Variants in TTC6 observed in about 807,000 individuals in gnomAD.
TTC6 encodes tetratricopeptide repeat domain 6, also known as tetratricopeptide repeat protein 6.
TTC6 carries 172 observed loss-of-function variants against 210.4 expected under a neutral mutation model. That is an observed-to-expected ratio of 0.82 (90% confidence interval 0.72 to 0.93). The LOEUF (loss-of-function observed/expected upper bound fraction) is 0.93, where lower values mean the gene tolerates loss of function less well. Among genes scored for constraint, TTC6 ranks in the 40% least tolerant of loss-of-function variants. The probability of loss-of-function intolerance (pLI) is 0.00; values close to 1 mark genes in which losing one functional copy is unlikely to be tolerated. For missense variants in TTC6, 2,414 were observed against 2,318.1 expected (o/e 1.04, Z -0.85); for synonymous variants, 804 against 819.6 (o/e 0.98, Z 0.32).
In TTC6 at chr14:37,741,870, G is replaced by A. The variant is rs188974130; in HGVS notation, c.2363+2715G>A. ...AGGTCATGGTAGGTTGCCAAAGTTT[G>A]CAATAACTTCGCAGCTTCATTGTTT... On this transcript the variant is annotated intron_variant, in intron 10 of 30. Transcript: ENST00000553443. Among the ~76,000 whole-genome samples the A allele has an allele frequency of 1.1e-3, 168 of 152,234 alleles. 1 individual carries two copies. The highest frequency in any genetic ancestry group is 0.01 in the Middle Eastern group (3 of 294).
chr14:37,814,678 A>G lies in TTC6; in HGVS notation c.4689+2245A>G, dbSNP rs184254156. ...AATATAGTGATATAGATAGGTAACA[A>G]CAAAAAGCTGGAAAAGATATACCAC... On this transcript the variant is annotated intron_variant, in intron 25 of 30. Coordinates refer to ENST00000553443, the Ensembl canonical transcript of TTC6. Among the ~76,000 whole-genome samples, 14 of 152,334 alleles carry G rather than the reference A, an allele frequency of 9.2e-5. No homozygotes were observed. The East Asian group carries it at 2.1e-3, about 23-fold the overall frequency.
intron 14 of TTC6, among the ~76,000 whole-genome samples, chr14:37,753,858 T>C (rs571093473): frequency 3.3e-5 from 5 of 152,170 alleles, no homozygotes; most frequent in South Asian, 4.2e-4. Flanking sequence ...ACTTCGTGCA[T>C]TGTACAGTTT....
At chr14:37,657,349 T>TA (rs34169689) in intron 1 of TTC6, among the ~76,000 whole-genome samples, 1,448 of 139,428 alleles carry the variant, frequency 0.01, 21 homozygotes, top group Admixed American at 9.8e-3. Flanking sequence ...GCTTTCTATT[T>TA]AAAAAAAAAA....
chr14:37,760,315 G>A (rs2095980261), intron 14 of TTC6, among the ~76,000 whole-genome samples: 1 of 152,118 alleles, frequency 6.6e-6, no homozygotes, highest in Admixed American at 6.5e-5. Context: ...TGTTTGCCTG[G>A]GTATCACCAG....
In TTC6 at chr14:37,650,098, T is replaced by G. The variant is rs532539538; in HGVS notation, c.939+27095T>G. Among the ~76,000 whole-genome samples, 5 of 152,346 alleles carry G rather than the reference T, an allele frequency of 3.3e-5. No homozygotes were observed. The South Asian group carries it at 8.3e-4, about 25-fold the overall frequency. ...ACTTTCTAAAATCTGCTATACTCAT[T>G]CCCCTTTGTGAAAGCAGGTGTTGCT... On this transcript the variant is annotated intron_variant, in intron 1 of 30. Coordinates refer to ENST00000553443, the Ensembl canonical transcript of TTC6.
chr14:37,729,202 AC>A (rs2095879837), intron 7 of TTC6, among the ~76,000 whole-genome samples: 1 of 152,192 alleles, frequency 6.6e-6, no homozygotes, highest in Non-Finnish European at 1.5e-5. Flanking sequence ...ATGCAGTCTA[AC>A]CTTTTCATTT....
intron 1 of TTC6, among the ~76,000 whole-genome samples, chr14:37,666,428 C>T (rs1022416798): frequency 1.5e-5 from 2 of 130,650 alleles, no homozygotes; most frequent in Admixed American, 1.6e-4. Context: ...GCCTGAGCAA[C>T]ATAGTGAGGC....
At chr14:37,749,516 T>A (rs1595193885) in intron 11 of TTC6, 115 bp downstream of exon 13, 1 of 611,356 alleles carries the variant, frequency 1.6e-6, no homozygotes, top group South Asian at 5.1e-5. Flanking sequence ...CATGTGGAAT[T>A]ATTATAACAG....
At chr14:37,721,867 T>C (rs1474209684) in intron 6 of TTC6, among the ~76,000 whole-genome samples, 2 of 144,922 alleles carry the variant, frequency 1.4e-5, no homozygotes, top group African/African-American at 5.0e-5. Flanking sequence ...TATATATATA[T>C]ATATATATAT....
At chr14:37,778,940 G>C (rs1037220547) in intron 14 of TTC6, among the ~76,000 whole-genome samples, 8 of 152,116 alleles carry the variant, frequency 5.3e-5, no homozygotes, top group African/African-American at 1.9e-4. Context: ...CAGACCTTGG[G>C]GTATGGGTAT....
chr14:37,751,490 C>G (rs1332003606), intron 13 of TTC6, among the ~76,000 whole-genome samples: 1 of 152,106 alleles, frequency 6.6e-6, no homozygotes, highest in African/African-American at 2.4e-5. Context: ...CCCAGCTTTT[C>G]CAGCTGCCTC....
chr14:37,766,938 C>T (rs1421755162), intron 14 of TTC6, among the ~76,000 whole-genome samples: 1 of 132,236 alleles, frequency 7.6e-6, no homozygotes, highest in African/African-American at 2.5e-5. Flanking sequence ...TCTCCCAATG[C>T]TATCCCTCTC....
chr14:37,679,774 T>C (rs939069907), intron 1 of TTC6, among the ~76,000 whole-genome samples: 1 of 152,086 alleles, frequency 6.6e-6, no homozygotes, highest in Non-Finnish European at 1.5e-5. Flanking sequence ...CACTGCAACC[T>C]CTTCCTCCTG....
chr14:37,732,629 A>AT (rs907730849), intron 7 of TTC6, among the ~76,000 whole-genome samples: 2 of 53,632 alleles, frequency 3.7e-5, no homozygotes, highest in Non-Finnish European at 6.1e-5. Flanking sequence ...TTATTTATTT[A>AT]TTTTTTTGAG....
intron 6 of TTC6, among the ~76,000 whole-genome samples, chr14:37,724,328 T>C (rs185558758): frequency 6.6e-6 from 1 of 152,226 alleles, no homozygotes; most frequent in East Asian, 1.9e-4. Context: ...ATTTTTTGTG[T>C]TTTCTGGATA....
chr14:37,776,049 T>TCATCTTGCCAC (rs1403864077), intron 14 of TTC6, among the ~76,000 whole-genome samples: 1 of 49,222 alleles, frequency 2.0e-5, no homozygotes, highest in African/African-American at 6.9e-5. Flanking sequence ...GATTCTTTTT[T>TCATCTTGCCAC]TTTTTTTTTT....
At chr14:37,684,072 G>A (rs1176234333) in intron 3 of TTC6, among the ~76,000 whole-genome samples, 2 of 151,906 alleles carry the variant, frequency 1.3e-5, no homozygotes, top group South Asian at 2.1e-4. Flanking sequence ...ATTTTTGCCC[G>A]AGACTCCCAA....
chr14:37,830,733 AT>A (rs891698440), intron 29 of TTC6, among the ~76,000 whole-genome samples: 25 of 127,356 alleles, frequency 2.0e-4, no homozygotes, highest in South Asian at 6.3e-4. Context: ...TTCCTTAAAA[AT>A]TTTTTTCTAA....
At chr14:37,782,342 C>T (rs1477562335) in intron 14 of TTC6, among the ~76,000 whole-genome samples, 8 of 152,144 alleles carry the variant, frequency 5.3e-5, no homozygotes, top group African/African-American at 1.9e-4. Flanking sequence ...AGGTCCTTCA[C>T]ATCCCTTGTA....
Sources: allele counts gnomAD v4.1 joint callset (sites outside exome capture counted in the v4.1 genomes callset), GRCh38; gene constraint gnomAD v4.1.1; transcripts MANE v1.5; gene names NCBI Gene and HGNC (gene_info 2026-07-23, HGNC 2026-07-21).